Variants in CLCA2 observed in about 807,000 individuals in gnomAD.
CLCA2 encodes chloride channel accessory 2, also known as calcium-activated chloride channel regulator 2.
CLCA2 carries 85 observed loss-of-function variants against 82.9 expected under a neutral mutation model. The observed-to-expected ratio is 1.03, with a 90% CI of 0.86 to 1.23. The LOEUF is 1.23. Ranked by LOEUF, CLCA2 falls within the 50% of genes most tolerant of loss-of-function variation. The pLI, the probability that CLCA2 is intolerant of heterozygous loss-of-function variation, is 0.00. For synonymous variants in CLCA2, 421 were observed against 391.7 expected (o/e 1.07, Z -0.88); for missense variants, 1,089 against 1,124.8 (o/e 0.97, Z 0.45).
Position 86,438,947 on chromosome 1 carries a change from C to A in CLCA2, c.1044C>A (p.Phe348Leu), listed in dbSNP as rs376179565. 1.2e-6 allele frequency: 2 copies of A among 1,614,100 alleles called. No individual in the cohort carries two copies. ...YLMQIVEIHT[F>L]VGIASFDSKG... Reference sequence around the variant, plus strand: ...TGCAGATTGTTGAAATTCATACCTTCGTGGGCATTGCCAGTTTCGACAGCA... The same window carrying A: ...TGCAGATTGTTGAAATTCATACCTTAGTGGGCATTGCCAGTTTCGACAGCA... Residue 348 changes from phenylalanine to leucine, a missense_variant, in exon 7 of 14, where the codon TTC becomes TTA. By Grantham distance (22) the Phe-to-Leu change is conservative. Transcript: ENST00000370565.
intron 9 of CLCA2, 27 bp from the exon 10 acceptor site, chr1:86,443,760 C>G: frequency 1.3e-6 from 2 of 1,539,392 alleles, no homozygotes; most frequent in Non-Finnish European, 1.8e-6. Context: ...ACACCAGAAA[C>G]TCTCATATAT....
At chr1:86,448,861 T>C (rs80175690) in intron 11 of CLCA2, among the ~76,000 whole-genome samples, 11 of 152,384 alleles carry the variant, frequency 7.2e-5, no homozygotes, top group African/African-American at 2.2e-4. Context: ...CTTTCATTTT[T>C]TGTTTATGGT....
chr1:86,430,433 G>T (rs11161817), intron 3 of CLCA2, among the ~76,000 whole-genome samples: 42,589 of 152,018 alleles, frequency 0.28, 6,529 homozygotes, highest in Non-Finnish European at 0.34. Flanking sequence ...AAGCAGGTCT[G>T]CTTGGATAGC....
intron 5 of CLCA2, among the ~76,000 whole-genome samples, chr1:86,433,772 G>A (rs1227283964): frequency 6.6e-6 from 1 of 152,168 alleles, no homozygotes; most frequent in African/African-American, 2.4e-5. Context: ...TATGAAGTTA[G>A]AGCTGAGACA....
At position 86,424,227 on chromosome 1, in the gene CLCA2, A is replaced by G; in HGVS notation, c.-21A>G. 1 of 1,603,288 alleles carries G rather than the reference A, an allele frequency of 6.2e-7. No individual in the cohort carries two copies. The highest frequency in any genetic ancestry group is 1.3e-5 in the African/African-American group (1 of 74,696). Reference sequence around the variant, plus strand: ...GTATGCAGCAGGCTCAGTGTGAGTGAACTGGAGGCTTCTCTACAACATGAC... The same window carrying G: ...GTATGCAGCAGGCTCAGTGTGAGTGGACTGGAGGCTTCTCTACAACATGAC... On this transcript the variant is annotated 5_prime_UTR_variant, in exon 1 of 14. An upstream open reading frame in the 5' UTR loses its in-frame stop. Transcript: ENST00000370565.
Position 86,432,413 on chromosome 1 carries a change from C to T in CLCA2, c.629C>T (p.Pro210Leu). 1 of 1,613,916 alleles carries T rather than the reference C, an allele frequency of 6.2e-7. No individual in the cohort carries two copies. Residue 210 changes from proline (P) to leucine (L), a missense_variant, in exon 5 of 14, where the codon CCT (proline) becomes CTT (leucine). Transcript: ENST00000370565. ...ITGIFVCEKGPCPQENCIISK... is the reference protein window; with the variant it reads ...ITGIFVCEKGLCPQENCIISK... ...GGCATTTTTGTGTGTGAAAAAGGTC[C>T]TTGCCCCCAAGAAAACTGTATTATT...
chr1:86,439,234 T>C, intron 7 of CLCA2, 128 bp downstream of exon 7: 1 of 761,222 alleles, frequency 1.3e-6, no homozygotes, highest in African/African-American at 1.8e-5. Context: ...ATGAAAGTAA[T>C]GATGGATTAT....
rs192913592 is a variant in CLCA2, at chr1:86,455,788, C to T, written c.*261C>T. On this transcript the variant is annotated 3_prime_UTR_variant, in exon 14 of 14. Transcript: ENST00000370565. ...TTAAAGGCAAAGGGAAGGGTAAAGTCGGACCAGTGTCAAGGAAAGTTTGTT... is the reference window on the plus strand; with the variant it reads ...TTAAAGGCAAAGGGAAGGGTAAAGTTGGACCAGTGTCAAGGAAAGTTTGTT... 93 of 202,284 alleles carry T rather than the reference C, an allele frequency of 4.6e-4. 1 individual carries two copies. In the East Asian group the frequency reaches 9.3e-3, roughly 20 times the overall value. The allele number at this position is 202,284 out of a possible 1,614,324, so 12.5% of individuals were successfully genotyped here. A position where few individuals can be genotyped will look rare whatever the true frequency, so the allele number is the denominator to read the frequency against.
At position 86,438,955 on chromosome 1, in the gene CLCA2, TTGCCAGTTTCG is replaced by T; in HGVS notation, c.1053_1063del (p.Ala352GlnfsTer13). 6.2e-7 allele frequency: 1 copy of T among 1,614,162 alleles called. No homozygotes were observed. Among genetic ancestry groups the T allele is most frequent in the Non-Finnish European group, 8.5e-7 (1 of 1,180,004 alleles). ...GTTGAAATTCATACCTTCGTGGGCA[TTGCCAGTTTCG>T]ACAGCAAAGGAGAGATCAGAGCCCA... On this transcript the variant is annotated frameshift_variant, in exon 7 of 14. Transcript: ENST00000370565. LOFTEE classifies it high-confidence loss of function.
intron 12 of CLCA2, among the ~76,000 whole-genome samples, chr1:86,452,557 C>T (rs1662994338): frequency 6.6e-6 from 1 of 152,170 alleles, no homozygotes; most frequent in African/African-American, 2.4e-5. Flanking sequence ...AAACGACTCT[C>T]CTTGCTTTTA....
At chr1:86,438,545 G>A (rs970544673) in intron 6 of CLCA2, among the ~76,000 whole-genome samples, 2 of 152,126 alleles carry the variant, frequency 1.3e-5, no homozygotes, top group Non-Finnish European at 2.9e-5. Flanking sequence ...TAAAACAGCA[G>A]TTACAAATTT....
chr1:86,427,539 CACAT>C lies in CLCA2; in HGVS notation c.325-871_325-868del, dbSNP rs1170401685. 1.2e-4 allele frequency among the ~76,000 whole-genome samples: 16 copies of C among 131,976 alleles called. No homozygotes were observed. The East Asian group carries it at 2.4e-3, about 20-fold the overall frequency. 86.6% of individuals were successfully genotyped at this position (131,976 alleles called of 152,430 possible). A position where few individuals can be genotyped will look rare whatever the true frequency, so the allele number is the denominator to read the frequency against. Reference sequence around the variant, plus strand: ...GCACACACACAGACACAGATGGACACACATACATACACACACACACACACACACA... The same window carrying C: ...GCACACACACAGACACAGATGGACACACATACACACACACACACACACACA... On this transcript the variant is annotated intron_variant, in intron 2 of 13. Coordinates refer to ENST00000370565, the MANE Select transcript of CLCA2 (RefSeq NM_006536.7).
intron 10 of CLCA2, among the ~76,000 whole-genome samples, chr1:86,446,493 A>G (rs1662857155): frequency 6.6e-6 from 1 of 152,120 alleles, no homozygotes; most frequent in South Asian, 2.1e-4. Flanking sequence ...TTACACTCAG[A>G]GAACTTTTTG....
chr1:86,436,117 G>T (rs892460141), intron 6 of CLCA2, among the ~76,000 whole-genome samples: 8 of 152,200 alleles, frequency 5.3e-5, no homozygotes, highest in African/African-American at 1.7e-4. Flanking sequence ...GGCCAGCAAA[G>T]CCTAAAATAT....
chr1:86,453,594 A>AGGGCCAG lies in CLCA2; in HGVS notation c.2384_2389+1dup. The AGGGCCAG allele has an allele frequency of 6.2e-7, 1 of 1,613,802 alleles. No homozygotes were observed. Among genetic ancestry groups the AGGGCCAG allele is most frequent in the Non-Finnish European group, 8.5e-7 (1 of 1,179,844 alleles). The stretch of plus-strand genomic sequence containing the variant: ...ACAGCACCTGGAGAAGACTTTGATC[A>AGGGCCAG]GGGCCAGGGTAGGTTTGCTCATTTC... On this transcript the variant is annotated frameshift_variant, in exon 13 of 14. Transcript: ENST00000370565. LOFTEE classifies it low-confidence loss of function (END_TRUNC).
Position 86,424,279 on chromosome 1 carries a change from G to A in CLCA2, c.32G>A (p.Cys11Tyr), listed in dbSNP as rs747161178. ...CAAAGGAGCATTGCAGGTCCTATTTGCAACCTGAAGTTTGTGACTCTCCTG... is the reference window on the plus strand; with the variant it reads ...CAAAGGAGCATTGCAGGTCCTATTTACAACCTGAAGTTTGTGACTCTCCTG... MTQRSIAGPI[C>Y]NLKFVTLLVA... is the part of the protein sequence containing the mutation. Residue 11 changes from cysteine (C) to tyrosine (Y), a missense_variant, in exon 1 of 14, where the codon TGC becomes TAC. Coordinates refer to ENST00000370565, the MANE Select transcript of CLCA2 (RefSeq NM_006536.7). 4 of 1,613,570 alleles carry A rather than the reference G, an allele frequency of 2.5e-6. No homozygotes were observed. Among genetic ancestry groups the A allele is most frequent in the Non-Finnish European group, 2.5e-6 (3 of 1,179,844 alleles).
In CLCA2 at chr1:86,443,915, A is replaced by G. The variant is rs1254652727; in HGVS notation, c.1617A>G (p.Ile539Met). 5 of 1,613,562 alleles carry G rather than the reference A, an allele frequency of 3.1e-6. No homozygotes were observed. The highest frequency in any genetic ancestry group is 4.2e-6 in the Non-Finnish European group (5 of 1,179,494). ...AGGCCAGTGGTCCTCCTGAGATTAT[A>G]TTATTTGATCCTGATGGACGAAAAT... The part of the protein sequence containing the change: ...TWQASGPPEI[I>M]LFDPDGRKYY... Residue 539 changes from isoleucine (I) to methionine (M), a missense_variant, in exon 10 of 14, where the codon ATA (isoleucine) becomes ATG (methionine). Physicochemically the swap from Ile to Met is conservative, Grantham distance 10. Coordinates refer to ENST00000370565, the MANE Select transcript of CLCA2 (RefSeq NM_006536.7).
chr1:86,429,455 C>A lies in CLCA2; in HGVS notation c.475+887C>A, dbSNP rs975037958. Among the ~76,000 whole-genome samples the A allele has an allele frequency of 5.9e-5, 9 of 152,278 alleles. 1 individual carries two copies. Among genetic ancestry groups the A allele is most frequent in the African/African-American group, 1.9e-4 (8 of 41,542 alleles). On this transcript the variant is annotated intron_variant, in intron 3 of 13. Coordinates refer to ENST00000370565, the MANE Select transcript of CLCA2 (RefSeq NM_006536.7). The stretch of plus-strand genomic sequence containing the variant: ...AGGTTTTTGTCAGACATGGAAAAAA[C>A]CAGCTTCAAGAAGAAATCCCACAAG...
intron 8 of CLCA2, 143 bp from the exon 9 acceptor site, chr1:86,441,294 C>T (rs1662731783): frequency 1.8e-6 from 1 of 546,364 alleles, no homozygotes; most frequent in Non-Finnish European, 3.2e-6. Flanking sequence ...TATAGGATGT[C>T]AGGCAAAGCA....
Sources: gnomAD v4.1 joint callset for allele counts (sites outside exome capture counted in the v4.1 genomes callset) on GRCh38, gnomAD v4.1.1 for gene constraint, MANE v1.5 for transcripts, NCBI Gene and HGNC (gene_info 2026-07-23, HGNC 2026-07-21) for gene names.